Variants in SDAD1 observed in about 807,000 individuals in gnomAD.
SDAD1 encodes SDA1 domain containing 1.
Under a neutral mutation model 100.3 loss-of-function variants are expected in SDAD1, and 79 were observed. The observed-to-expected ratio is 0.79, with a 90% CI of 0.66 to 0.95. The LOEUF is 0.95. Among genes scored for constraint, SDAD1 ranks in the 40% least tolerant of loss-of-function variants. SDAD1 has a pLI of 0.00. For missense variants in SDAD1, 790 were observed against 810.9 expected, an observed-to-expected ratio of 0.97 and a Z score of 0.31; for synonymous variants, 267 against 271.4, an observed-to-expected ratio of 0.98 and a Z score of 0.16.
intron 17 of SDAD1, among the ~76,000 whole-genome samples, chr4:75,958,327 A>C (rs1424294623): frequency 1.3e-5 from 2 of 152,206 alleles, no homozygotes; most frequent in Non-Finnish European, 2.9e-5. Context: ...GTGTCCATCA[A>C]AACTGCACTT....
chr4:75,979,480 T>TTA (rs1730365492), intron 3 of SDAD1, among the ~76,000 whole-genome samples: 3 of 145,850 alleles, frequency 2.1e-5, no homozygotes, highest in Admixed American at 1.4e-4. Context: ...ATTATTATTA[T>TTA]TTTTTTTTTT....
At position 75,957,862 on chromosome 4, in the gene SDAD1, T is replaced by C. The variant is rs777399084; in HGVS notation, c.1563A>G (p.Glu521=). The change falls in exon 18 of 22, where the codon GAA becomes GAG. Residue 521 remains glutamate (E), a synonymous_variant. Coordinates refer to ENST00000356260, the MANE Select transcript of SDAD1 (RefSeq NM_018115.4). ...EWIDVQHSSD[E]EQQEISKKLN... ...TCAGACTTACGATTTCTTGCTGTTC[T>C]TCATCGGAAGAGTGTTGCACATCAA... 6.2e-7 allele frequency: 1 copy of C among 1,614,068 alleles called. No individual in the cohort carries two copies. Among genetic ancestry groups the C allele is most frequent in the East Asian group, 2.2e-5 (1 of 44,882 alleles).
intron 17 of SDAD1, among the ~76,000 whole-genome samples, chr4:75,959,447 TA>T (rs1211571204): frequency 6.6e-6 from 1 of 151,376 alleles, no homozygotes; most frequent in Non-Finnish European, 1.5e-5. Flanking sequence ...CTACTAAAAA[TA>T]AAAAAATAAG....
Position 75,990,902 on chromosome 4 carries a change from C to T in SDAD1, c.-61G>A, listed in dbSNP as rs1046115148. On this transcript the variant is annotated 5_prime_UTR_variant, in exon 1 of 22. Coordinates refer to ENST00000356260, the MANE Select transcript of SDAD1 (RefSeq NM_018115.4). The stretch of plus-strand genomic sequence containing the variant: ...AAAAAAACTCAGACGGCCGGCACCC[C>T]GCAATCCCTGCCAGCTGCAGCTTGG... The T allele has an allele frequency of 3.1e-6, 5 of 1,601,020 alleles. No homozygotes were observed. In the African/African-American group the frequency reaches 4.0e-5, roughly 13 times the overall value.
intron 17 of SDAD1, 83 bp from the exon 18 acceptor site, chr4:75,958,024 G>T: frequency 9.2e-7 from 1 of 1,081,868 alleles, no homozygotes; most frequent in Non-Finnish European, 1.4e-6. Flanking sequence ...CAACAGAAAA[G>T]TAATGAACCT....
intron 1 of SDAD1, among the ~76,000 whole-genome samples, chr4:75,989,695 T>C (rs141162305): frequency 6.6e-6 from 1 of 152,372 alleles, no homozygotes; most frequent in Non-Finnish European, 1.5e-5. Context: ...CGAATGGCTA[T>C]ACAATGCTTT....
At position 75,990,211 on chromosome 4, in the gene SDAD1, A is replaced by C. The variant is rs140537412; in HGVS notation, c.90+541T>G. On this transcript the variant is annotated intron_variant, in intron 1 of 21. Coordinates refer to ENST00000356260, the MANE Select transcript of SDAD1 (RefSeq NM_018115.4). ...CATCCGAGTCATGCCAGTCTCCGGT[A>C]AGTTTGAATCCTGGCTTAACTAAAT... Among the ~76,000 whole-genome samples the C allele has an allele frequency of 1.6e-3, 247 of 151,700 alleles. 2 individuals are homozygous for C. Among genetic ancestry groups the C allele is most frequent in the African/African-American group, 5.7e-3 (236 of 41,278 alleles).
At chr4:75,970,488 A>C in intron 9 of SDAD1, 110 bp from the exon 10 acceptor site, 1 of 751,374 alleles carries the variant, frequency 1.3e-6, no homozygotes, top group Non-Finnish European at 2.1e-6. Flanking sequence ...TAAAAAGAAA[A>C]AAAACTTTGT....
intron 13 of SDAD1, 84 bp downstream of exon 13, chr4:75,965,680 G>C: frequency 9.3e-7 from 1 of 1,071,504 alleles, no homozygotes. Context: ...ATCGGGGGCA[G>C]GTTCCCCCGA....
rs1728575283 is a variant in SDAD1, at chr4:75,950,555, C to T, written c.*195G>A. 1 of 472,744 alleles carries T rather than the reference C, an allele frequency of 2.1e-6. No homozygotes were observed. The highest frequency in any genetic ancestry group is 3.0e-5 in the East Asian group (1 of 33,202). 29.3% of individuals were successfully genotyped at this position (472,744 alleles called of 1,614,324 possible). ...TAAATGAAATGATTTTACATTACCA[C>T]CACTATTTACATTAACATTCCTACC... On this transcript the variant is annotated 3_prime_UTR_variant, in exon 22 of 22. Coordinates refer to ENST00000356260, the MANE Select transcript of SDAD1 (RefSeq NM_018115.4).
intron 1 of SDAD1, among the ~76,000 whole-genome samples, chr4:75,989,036 T>C (rs1731075538): frequency 6.6e-6 from 1 of 152,154 alleles, no homozygotes; most frequent in Non-Finnish European, 1.5e-5. Context: ...TGTCAGATCA[T>C]GTCACTCTCC....
At chr4:75,961,645 A>G (rs1481169243) in intron 14 of SDAD1, among the ~76,000 whole-genome samples, 27 of 152,258 alleles carry the variant, frequency 1.8e-4, no homozygotes, top group Admixed American at 1.8e-3. Context: ...AATATTTTCC[A>G]AGGAAAATAA....
rs765785034 is a variant in SDAD1, at chr4:75,950,000, T to C, written c.*750A>G. The C allele has an allele frequency of 1.3e-5, 2 of 152,394 alleles. No homozygotes were observed. The highest frequency in any genetic ancestry group is 2.9e-5 in the Non-Finnish European group (2 of 68,004). The allele number at this position is 152,394 out of a possible 1,614,324, so 9.4% of individuals were successfully genotyped here. ...GCTGAAGGAAGGCTGAGGAAACCAG[T>C]ATGAAGGCAGCTCAAATGATGAACT... On this transcript the variant is annotated 3_prime_UTR_variant, in exon 22 of 22. Coordinates refer to ENST00000356260, the MANE Select transcript of SDAD1 (RefSeq NM_018115.4).
intron 17 of SDAD1, among the ~76,000 whole-genome samples, chr4:75,959,763 C>G (rs772233659): frequency 6.6e-6 from 1 of 152,142 alleles, no homozygotes; most frequent in Non-Finnish European, 1.5e-5. Context: ...GGGCTAACCC[C>G]CGTAATTTTT....
intron 8 of SDAD1, among the ~76,000 whole-genome samples, chr4:75,973,073 T>C (rs892704515): frequency 3.3e-5 from 5 of 152,124 alleles, no homozygotes; most frequent in Non-Finnish European, 7.4e-5. Flanking sequence ...TAGTGAGATA[T>C]AGGTATAACT....
At chr4:75,962,254 T>A (rs1729287151) in intron 14 of SDAD1, among the ~76,000 whole-genome samples, 1 of 152,272 alleles carries the variant, frequency 6.6e-6, no homozygotes, top group Admixed American at 6.5e-5. Context: ...CTGCATAGTA[T>A]TCCATAGCGT....
At chr4:75,985,397 ATCC>A (rs779915765) in intron 1 of SDAD1, among the ~76,000 whole-genome samples, 32 of 152,040 alleles carry the variant, frequency 2.1e-4, no homozygotes, top group Non-Finnish European at 4.1e-4. Flanking sequence ...GTCAGTAGGC[ATCC>A]TCCTTTTTCA....
chr4:75,981,290 T>A (rs1435326128), intron 3 of SDAD1, 82 bp downstream of exon 3: 1 of 1,268,028 alleles, frequency 7.9e-7, no homozygotes, highest in East Asian at 2.4e-5. Flanking sequence ...ATAATTAGCT[T>A]AGAGGCTGTT....
chr4:75,966,240 TA>T, intron 12 of SDAD1, among the ~76,000 whole-genome samples: 1 of 149,470 alleles, frequency 6.7e-6, no homozygotes, highest in African/African-American at 2.5e-5. Flanking sequence ...TAAAAATCAT[TA>T]AATAAATACT....
Sources: gnomAD v4.1 joint callset for allele counts (sites outside exome capture counted in the v4.1 genomes callset) on GRCh38, gnomAD v4.1.1 for gene constraint, MANE v1.5 for transcripts, NCBI Gene and HGNC (gene_info 2026-07-23, HGNC 2026-07-21) for gene names.